RILPL1: variants seen among roughly 807,000 people sequenced by gnomAD.
RILPL1 encodes RILP-like protein 1.
A neutral mutation model predicts 50.3 loss-of-function variants in RILPL1; 33 were observed. That is an observed-to-expected ratio of 0.66 (90% CI 0.50 to 0.88). The LOEUF (loss-of-function observed/expected upper bound fraction) is 0.88, where lower values mean the gene tolerates loss of function less well. Ranked by LOEUF, RILPL1 falls within the 40% of genes least tolerant of loss-of-function variation. The pLI, the probability that RILPL1 is intolerant of heterozygous loss-of-function variation, is 0.00. For synonymous variants in RILPL1, 205 were observed against 228.6 expected (o/e 0.90, Z 0.93); for missense variants, 418 against 542.5 (o/e 0.77, Z 2.28).
chr12:123,475,450 CAG>C (rs1881520795), intron 6 of RILPL1: 2 of 570,834 alleles, frequency 3.5e-6, no homozygotes, highest in South Asian at 4.2e-5. Context: ...TTATCGGTGA[CAG>C]AGCCGAGAAT....
At chr12:123,531,969 C>T (rs1885454361) in intron 1 of RILPL1, among the ~76,000 whole-genome samples, 1 of 152,222 alleles carries the variant, frequency 6.6e-6, no homozygotes, top group South Asian at 2.1e-4. Flanking sequence ...GCCCCTAGGG[C>T]ATAGGGACCC....
At chr12:123,512,606 T>C (rs1055316445) in intron 2 of RILPL1, among the ~76,000 whole-genome samples, 1 of 143,718 alleles carries the variant, frequency 7.0e-6, no homozygotes, top group African/African-American at 2.6e-5. Flanking sequence ...GAGATCTGTA[T>C]GTGTGAGGTC....
intron 4 of RILPL1, among the ~76,000 whole-genome samples, chr12:123,492,507 C>T (rs1882766212): frequency 6.6e-6 from 1 of 152,064 alleles, no homozygotes; most frequent in South Asian, 2.1e-4. Context: ...GATGAGGACA[C>T]AATAGCTGAA....
intron 2 of RILPL1, among the ~76,000 whole-genome samples, chr12:123,501,359 C>A (rs1883370707): frequency 6.6e-6 from 1 of 151,852 alleles, no homozygotes; most frequent in South Asian, 2.1e-4. Context: ...GAGGGAGGAA[C>A]ACTTGAGCCC....
chr12:123,516,205 T>C (rs1024234019), intron 2 of RILPL1, among the ~76,000 whole-genome samples: 1 of 152,162 alleles, frequency 6.6e-6, no homozygotes. Context: ...ATGGGAACGA[T>C]GATGACCACA....
At chr12:123,475,828 A>T in intron 6 of RILPL1, 25 of 850,878 alleles carry the variant, frequency 2.9e-5, no homozygotes, top group Middle Eastern at 2.3e-4. Flanking sequence ...CACAGACACC[A>T]GTGGAAGGGT....
At chr12:123,475,211 T>C (rs1298539859) in intron 6 of RILPL1, 4 of 181,530 alleles carry the variant, frequency 2.2e-5, no homozygotes, top group Non-Finnish European at 4.8e-5. Context: ...ATCAAAACAC[T>C]GGTCCCCTCC....
At position 123,509,886 on chromosome 12, in the gene RILPL1, C is replaced by G. The variant is rs191205644; in HGVS notation, c.461-10350G>C. On this transcript the variant is annotated intron_variant, in intron 2 of 6. Transcript: ENST00000376874. Reference sequence around the variant, plus strand: ...AAAAGGAAAAGATAAGAAACACTAGCTGGCCAAGGGCCCTACTGGTACAAT... The same window carrying G: ...AAAAGGAAAAGATAAGAAACACTAGGTGGCCAAGGGCCCTACTGGTACAAT... 1.2e-3 allele frequency among the ~76,000 whole-genome samples: 177 copies of G among 152,362 alleles called. 2 individuals are homozygous for G. The highest frequency in any genetic ancestry group is 1.3e-4 in the Non-Finnish European group (9 of 68,036).
rs1330385691 is a variant in RILPL1, at chr12:123,498,476, C to T, written c.801+68G>A. 15 of 1,428,880 alleles carry T rather than the reference C, an allele frequency of 1.0e-5. No homozygotes were observed. Among genetic ancestry groups the T allele is most frequent in the African/African-American group, 1.4e-5 (1 of 71,388 alleles). The allele number at this position is 1,428,880 out of a possible 1,614,324, so 88.5% of individuals were successfully genotyped here. A position where few individuals can be genotyped will look rare whatever the true frequency, so the allele number is the denominator to read the frequency against. The stretch of plus-strand genomic sequence containing the variant: ...GTATAATGGGGAAAACAAGGCAACC[C>T]TGCCTGCCTTAAGCCAACCCCCAGA... On this transcript the variant is annotated intron_variant, in intron 4 of 6. Transcript: ENST00000376874. The surrounding 1 kb of genome is among the most constrained non-coding windows in gnomAD (Gnocchi z 4.3).
At chr12:123,517,432 T>G (rs1884770167) in intron 2 of RILPL1, among the ~76,000 whole-genome samples, 1 of 151,328 alleles carries the variant, frequency 6.6e-6, no homozygotes, top group Admixed American at 6.6e-5. Flanking sequence ...TTGTTTTTTT[T>G]TTTTTTTTTT....
intron 4 of RILPL1, among the ~76,000 whole-genome samples, chr12:123,487,615 C>A (rs1394958538): frequency 6.6e-6 from 1 of 152,204 alleles, no homozygotes; most frequent in Non-Finnish European, 1.5e-5. Flanking sequence ...TCACTTCACT[C>A]CTTTTGATGG....
intron 2 of RILPL1, among the ~76,000 whole-genome samples, chr12:123,501,632 C>T (rs1351530286): frequency 3.3e-5 from 5 of 151,270 alleles, no homozygotes; most frequent in Admixed American, 2.0e-4. Flanking sequence ...TGGTGGTGAG[C>T]GCCTGTAGTC....
At chr12:123,487,899 G>T (rs921449736) in intron 4 of RILPL1, among the ~76,000 whole-genome samples, 3 of 152,148 alleles carry the variant, frequency 2.0e-5, no homozygotes, top group African/African-American at 4.8e-5. Flanking sequence ...ATGCACAAGG[G>T]TTCCAATTTC....
Position 123,472,560 on chromosome 12 carries a change from T to G in RILPL1, c.1190A>C (p.Gln397Pro). Residue 397 changes from glutamine to proline, a missense_variant, in exon 7 of 7, where the codon CAG becomes CCG. By Grantham distance (76) the Gln-to-Pro change is moderately conservative (BLOSUM62 -1). Transcript: ENST00000376874. ...AGGTCACAGATGCTGCAGGGCTTCC[T>G]GTCCTTGCTCTGTGTAACCGTCATC... The part of the protein sequence containing the change: ...HRDDGYTEQG[Q>P]EALQHL 1 of 1,552,588 alleles carries G rather than the reference T, an allele frequency of 6.4e-7. No individual in the cohort carries two copies. The highest frequency in any genetic ancestry group is 8.7e-7 in the Non-Finnish European group (1 of 1,147,522).
At chr12:123,512,466 G>T (rs1884383390) in intron 2 of RILPL1, among the ~76,000 whole-genome samples, 1 of 144,780 alleles carries the variant, frequency 6.9e-6, no homozygotes, top group Non-Finnish European at 1.5e-5. Flanking sequence ...GTATGTGTGT[G>T]TGAGGGCTGT....
intron 2 of RILPL1, among the ~76,000 whole-genome samples, chr12:123,503,927 G>C (rs1402046151): frequency 2.0e-5 from 3 of 151,358 alleles, no homozygotes; most frequent in African/African-American, 7.3e-5. Flanking sequence ...CGTGAACCCA[G>C]GAGGCGGAGC....
chr12:123,475,717 C>T lies in RILPL1; in HGVS notation c.1068-3035G>A, dbSNP rs376666060. The stretch of plus-strand genomic sequence containing the variant: ...GTGTGGGGTCATCTATTATCAGTCC[C>T]GCTGCTACCATAGGCATTATGGCTG... On this transcript the variant is annotated intron_variant, in intron 6 of 6. Transcript: ENST00000376874. 8 of 1,593,602 alleles carry T rather than the reference C, an allele frequency of 5.0e-6. No homozygotes were observed. The Admixed American group carries it at 6.8e-5, about 13-fold the overall frequency.
intron 2 of RILPL1, among the ~76,000 whole-genome samples, chr12:123,503,186 CTTTTTT>C (rs373514624): frequency 5.1e-3 from 414 of 80,408 alleles, no homozygotes; most frequent in Non-Finnish European, 8.4e-3. Context: ...CACGCCTGGC[CTTTTTT>C]TTTTTTTTTT....
chr12:123,494,271 C>T (rs1882890844), intron 4 of RILPL1, among the ~76,000 whole-genome samples: 1 of 152,228 alleles, frequency 6.6e-6, no homozygotes, highest in African/African-American at 2.4e-5. Context: ...CCACAACCTG[C>T]AGCTCCCCTG....
Sources: allele counts gnomAD v4.1 joint callset (sites outside exome capture counted in the v4.1 genomes callset), GRCh38; gene constraint gnomAD v4.1.1; non-coding constraint Gnocchi (gnomAD v3.1); transcripts MANE v1.5; gene names NCBI Gene and HGNC (gene_info 2026-07-23, HGNC 2026-07-21).